RBM47: variants seen among roughly 807,000 people sequenced by gnomAD.
RBM47 encodes RNA binding motif protein 47.
In RBM47, 21 loss-of-function variants were observed where a neutral mutation model predicts 47.1. The observed-to-expected ratio is 0.45, with a 90% CI of 0.32 to 0.64. The LOEUF (loss-of-function observed/expected upper bound fraction) is 0.64, where lower values mean the gene tolerates loss of function less well. Ranked by LOEUF, RBM47 falls within the 30% of genes least tolerant of loss-of-function variation. The pLI, the probability that RBM47 is intolerant of heterozygous loss-of-function variation, is 0.05. For synonymous variants in RBM47, 375 were observed against 361.7 expected, an observed-to-expected ratio of 1.04 and a Z score of -0.42; for missense variants, 708 against 870.9, an observed-to-expected ratio of 0.81 and a Z score of 2.35.
At chr4:40,522,708 T>C (rs1245323680) in intron 2 of RBM47, among the ~76,000 whole-genome samples, 1 of 152,052 alleles carries the variant, frequency 6.6e-6, no homozygotes, top group Non-Finnish European at 1.5e-5. Flanking sequence ...CAGAAGCAAA[T>C]ATGAGCATAC....
At chr4:40,573,152 C>CAAA (rs369450436) in intron 1 of RBM47, among the ~76,000 whole-genome samples, 12 of 63,820 alleles carry the variant, frequency 1.9e-4, no homozygotes, top group Admixed American at 3.3e-4. Flanking sequence ...GACTTCATCT[C>CAAA]AAAAAAAAAA....
chr4:40,568,201 C>T (rs113705095), intron 1 of RBM47, among the ~76,000 whole-genome samples: 2 of 151,390 alleles, frequency 1.3e-5, no homozygotes, highest in African/African-American at 2.4e-5. Context: ...GAAGGCAGGA[C>T]GATCAATTGA....
intron 3 of RBM47, among the ~76,000 whole-genome samples, chr4:40,445,557 T>C (rs1348127493): frequency 6.6e-6 from 1 of 152,270 alleles, no homozygotes; most frequent in Admixed American, 6.5e-5. Flanking sequence ...GACCTCGTCC[T>C]TGTGGAGCTG....
intron 2 of RBM47, among the ~76,000 whole-genome samples, chr4:40,467,151 C>T (rs1718172775): frequency 6.6e-6 from 1 of 152,136 alleles, no homozygotes; most frequent in African/African-American, 2.4e-5. Context: ...TGCTACACAT[C>T]ACTAATAGAT....
intron 4 of RBM47, among the ~76,000 whole-genome samples, chr4:40,437,090 A>AATAT (rs1247522305): frequency 1.8e-4 from 9 of 49,804 alleles, no homozygotes; most frequent in African/African-American, 6.5e-4. Flanking sequence ...AAAAAAAAAA[A>AATAT]ATATATATAT....
At chr4:40,430,212 A>G (rs1715746371) in intron 6 of RBM47, among the ~76,000 whole-genome samples, 1 of 143,782 alleles carries the variant, frequency 7.0e-6, no homozygotes, top group Non-Finnish European at 1.5e-5. Flanking sequence ...AAACAAACAA[A>G]CAAACAAACA....
chr4:40,444,857 G>A (rs1160083546), intron 3 of RBM47, among the ~76,000 whole-genome samples: 1 of 151,728 alleles, frequency 6.6e-6, no homozygotes, highest in East Asian at 2.0e-4. Flanking sequence ...TAGAGATGGG[G>A]TTTCACCATG....
At chr4:40,523,114 C>T (rs935407686) in intron 2 of RBM47, among the ~76,000 whole-genome samples, 1 of 151,568 alleles carries the variant, frequency 6.6e-6, no homozygotes, top group Non-Finnish European at 1.5e-5. Context: ...TATAGGCATG[C>T]GCCACTATGC....
chr4:40,441,728 C>A (rs554356265), intron 3 of RBM47, among the ~76,000 whole-genome samples: 2 of 152,360 alleles, frequency 1.3e-5, no homozygotes, highest in East Asian at 3.9e-4. Flanking sequence ...CAAAAACAGT[C>A]TTACAGTAGT....
intron 2 of RBM47, among the ~76,000 whole-genome samples, chr4:40,469,529 G>A (rs545302594): frequency 6.6e-6 from 1 of 151,534 alleles, no homozygotes; most frequent in South Asian, 2.1e-4. Flanking sequence ...TGCCTCCTGG[G>A]TTCAAGCGAT....
intron 2 of RBM47, among the ~76,000 whole-genome samples, chr4:40,534,328 A>T (rs1461393810): frequency 6.6e-6 from 1 of 152,106 alleles, no homozygotes; most frequent in African/African-American, 2.4e-5. Context: ...GCCCTGGAGA[A>T]AAAACAGTTC....
At chr4:40,600,999 A>AAAAAAAAAAAAAG (rs1338188731) in intron 1 of RBM47, among the ~76,000 whole-genome samples, 4 of 147,282 alleles carry the variant, frequency 2.7e-5, no homozygotes, top group African/African-American at 1.1e-4. Context: ...AAAAAAAAAA[A>AAAAAAAAAAAAAG]AAAGAAAGAA....
intron 1 of RBM47, among the ~76,000 whole-genome samples, chr4:40,585,869 T>C (rs546316488): frequency 2.4e-4 from 36 of 152,362 alleles, no homozygotes; most frequent in African/African-American, 8.2e-4. Context: ...ATGTGTTGAA[T>C]GAGTGGATGA....
chr4:40,535,653 C>T (rs375137450), intron 2 of RBM47, among the ~76,000 whole-genome samples: 16 of 151,932 alleles, frequency 1.1e-4, no homozygotes, highest in African/African-American at 2.4e-4. Flanking sequence ...CTCCACCTCC[C>T]GGGGCAAGCG....
intron 1 of RBM47, among the ~76,000 whole-genome samples, chr4:40,587,111 G>A (rs1733665153): frequency 6.6e-6 from 1 of 152,168 alleles, no homozygotes; most frequent in Admixed American, 6.5e-5. Flanking sequence ...GGTCCACCTG[G>A]GGTGCATGGA....
At chr4:40,568,988 TAGATA>T (rs1333045868) in intron 1 of RBM47, among the ~76,000 whole-genome samples, 2 of 61,840 alleles carry the variant, frequency 3.2e-5, no homozygotes, top group Non-Finnish European at 6.9e-5. Context: ...TCTCAAAAGA[TAGATA>T]GATAGATAGA....
Position 40,548,333 on chromosome 4 carries a change from G to A in RBM47, c.-239-3827C>T, listed in dbSNP as rs569582998. The stretch of plus-strand genomic sequence containing the variant: ...ATGAGCTGAGCACAGCCAGGGTGAA[G>A]ACGGGCAGGGGAGAGCAACAGGACG... On this transcript the variant is annotated intron_variant, in intron 1 of 6. Transcript: ENST00000295971. Among the ~76,000 whole-genome samples the A allele has an allele frequency of 3.7e-4, 57 of 152,336 alleles. 1 individual carries two copies. In the South Asian group the frequency reaches 6.2e-3, roughly 17 times the overall value.
intron 2 of RBM47, among the ~76,000 whole-genome samples, chr4:40,480,910 C>T (rs997951039): frequency 4.6e-5 from 7 of 152,114 alleles, no homozygotes; most frequent in Non-Finnish European, 1.0e-4. Flanking sequence ...TACCAAGTCA[C>T]ATATCATGTG....
chr4:40,628,093 TTAA>T lies in RBM47; in HGVS notation c.-240+1300_-240+1302del, dbSNP rs564056159. 7.8e-3 allele frequency among the ~76,000 whole-genome samples: 1,194 copies of T among 152,298 alleles called. 6 individuals carry two copies. The highest frequency in any genetic ancestry group is 0.01 in the Non-Finnish European group (708 of 68,034). On this transcript the variant is annotated intron_variant, in intron 1 of 6. Transcript: ENST00000295971. This position sits in a 1 kb window ranked among gnomAD's most constrained non-coding sequence, Gnocchi z 4.0. ...TTCTTCATTTGACACATACTGAAAG[TTAA>T]TAATGAAGCTAGGTGCTTGGGAAAT...
Sources: allele counts gnomAD v4.1 joint callset (sites outside exome capture counted in the v4.1 genomes callset), GRCh38; gene constraint gnomAD v4.1.1; non-coding constraint Gnocchi (gnomAD v3.1); transcripts MANE v1.5; gene names NCBI Gene and HGNC (gene_info 2026-07-23, HGNC 2026-07-21).